The following ANO3 variants were observed in gnomAD, a reference collection of about 807,000 sequenced individuals.
ANO3 encodes the protein anoctamin 3.
A neutral mutation model predicts 144.8 loss-of-function variants in ANO3; 99 were observed. That is an observed-to-expected ratio of 0.68 (90% CI 0.58 to 0.81). The LOEUF (loss-of-function observed/expected upper bound fraction) is 0.81, where lower values mean the gene tolerates loss of function less well. ANO3 is among the 30% of genes least tolerant of loss of function. ANO3 has a pLI of 0.00. For synonymous variants in ANO3, 414 were observed against 392.6 expected, an observed-to-expected ratio of 1.05 and a Z score of -0.64; for missense variants, 905 against 1,202.2, an observed-to-expected ratio of 0.75 and a Z score of 3.66.
At chr11:26,631,017 A>G (rs1238617007) in intron 18 of ANO3, among the ~76,000 whole-genome samples, 1 of 151,726 alleles carries the variant, frequency 6.6e-6, no homozygotes, top group East Asian at 1.9e-4. Context: ...AGTTTTTTGA[A>G]GAGTACCTAC....
intron 23 of ANO3, among the ~76,000 whole-genome samples, chr11:26,644,815 T>TCTCACA (rs372462989): frequency 6.9e-6 from 1 of 145,200 alleles, no homozygotes; most frequent in Non-Finnish European, 1.5e-5. Flanking sequence ...GGAATACTAA[T>TCTCACA]CACACACACA....
chr11:26,497,414 A>G (rs1861006548), intron 4 of ANO3, among the ~76,000 whole-genome samples: 1 of 152,092 alleles, frequency 6.6e-6, no homozygotes, highest in South Asian at 2.1e-4. Context: ...TTCTTTAAGA[A>G]AATTCCATGC....
At chr11:26,443,699 C>A in intron 2 of ANO3, 66 bp from the exon 3 acceptor site, 1 of 858,566 alleles carries the variant, frequency 1.2e-6, no homozygotes, top group Non-Finnish European at 1.8e-6. Context: ...CATCTATAAC[C>A]ATGGTTATTT....
chr11:26,237,089 CTG>C (rs2133807769), intron 1 of ANO3, among the ~76,000 whole-genome samples: 1 of 152,180 alleles, frequency 6.6e-6, no homozygotes, highest in East Asian at 1.9e-4. Context: ...TCCGGCAAAA[CTG>C]TGTGTGAATT....
intron 14 of ANO3, chr11:26,567,092 C>T (rs1850619491): frequency 6.8e-7 from 1 of 1,481,180 alleles, no homozygotes; most frequent in South Asian, 1.4e-5. Context: ...GTATTATGCC[C>T]ATTTTGCAGA....
At position 26,629,937 on chromosome 11, in the gene ANO3, T is replaced by A. The variant is rs1036408249; in HGVS notation, c.1874-4267T>A. On this transcript the variant is annotated intron_variant, in intron 18 of 26. Coordinates refer to ENST00000256737, the MANE Select transcript of ANO3 (RefSeq NM_031418.4). ...TGAGCCACTGCACCAGGCCTAAATC[T>A]GCTATATTTTATTTAGGAATTTCCA... Among the ~76,000 whole-genome samples the A allele has an allele frequency of 5.9e-5, 9 of 152,298 alleles. 1 individual carries two copies. In the South Asian group the frequency reaches 1.9e-3, roughly 32 times the overall value.
chr11:26,577,750 G>T (rs1851027649), intron 14 of ANO3, among the ~76,000 whole-genome samples: 1 of 152,158 alleles, frequency 6.6e-6, no homozygotes, highest in African/African-American at 2.4e-5. Context: ...GTTTAACTAG[G>T]GTTGTATTTA....
chr11:26,634,250 G>A lies in ANO3; in HGVS notation c.1920G>A (p.Lys640=). 7 of 1,613,972 alleles carry A rather than the reference G, an allele frequency of 4.3e-6. No individual in the cohort carries two copies. Among genetic ancestry groups the A allele is most frequent in the Non-Finnish European group, 5.9e-6 (7 of 1,179,938 alleles). Residue 640 remains lysine (K), a synonymous_variant, in exon 19 of 27, where the codon AAG becomes AAA. Coordinates refer to ENST00000256737, the MANE Select transcript of ANO3 (RefSeq NM_031418.4). ...ESEWENSFAL[K]MFLFQFVNLN... ...AGTGGGAAAACAGCTTCGCCCTGAA[G>A]ATGTTCCTCTTCCAGTTTGTCAATT...
At chr11:26,537,311 T>C in intron 9 of ANO3, 95 bp from the exon 10 acceptor site, 1 of 1,031,762 alleles carries the variant, frequency 9.7e-7, no homozygotes, top group Non-Finnish European at 1.5e-6. Flanking sequence ...CTTAAACTTT[T>C]TAATCGATTC....
intron 1 of ANO3, among the ~76,000 whole-genome samples, chr11:26,222,719 G>C (rs1305919437): frequency 2.6e-5 from 4 of 152,204 alleles, no homozygotes; most frequent in Non-Finnish European, 5.9e-5. Context: ...AGCTACCAAG[G>C]CTTATGGCTT....
intron 24 of ANO3, among the ~76,000 whole-genome samples, chr11:26,652,190 A>C (rs1415394636): frequency 6.6e-6 from 1 of 152,202 alleles, no homozygotes; most frequent in Admixed American, 6.5e-5. Flanking sequence ...GTTTCACTTT[A>C]AATTTGTATC....
chr11:26,441,106 GTTTTTTTTTTTTTT>G (rs1022676698), intron 1 of ANO3, among the ~76,000 whole-genome samples: 9 of 86,552 alleles, frequency 1.0e-4, no homozygotes, highest in Admixed American at 4.0e-4. Context: ...TTGCTGCCCA[GTTTTTTTTTTTTTT>G]TTTTTTTTTT....
chr11:26,208,768 G>A (rs1851870404), intron 1 of ANO3, among the ~76,000 whole-genome samples: 1 of 152,102 alleles, frequency 6.6e-6, no homozygotes, highest in South Asian at 2.1e-4. Flanking sequence ...AACCTAGACT[G>A]CTCAAAGAAA....
At chr11:26,503,811 G>C (rs1861295921) in intron 4 of ANO3, among the ~76,000 whole-genome samples, 1 of 152,072 alleles carries the variant, frequency 6.6e-6, no homozygotes, top group South Asian at 2.1e-4. Flanking sequence ...CAGAGTAATG[G>C]ATAATAATTG....
chr11:26,385,008 A>G (rs546670374), intron 1 of ANO3, among the ~76,000 whole-genome samples: 4 of 152,152 alleles, frequency 2.6e-5, no homozygotes, highest in Non-Finnish European at 5.9e-5. Context: ...CCCTTTTCTC[A>G]AGTTATTTTA....
chr11:26,281,232 G>A (rs1042110255), intron 1 of ANO3, among the ~76,000 whole-genome samples: 1 of 152,134 alleles, frequency 6.6e-6, no homozygotes, highest in Non-Finnish European at 1.5e-5. Context: ...ATTGGCTTCA[G>A]AATGTGTAGT....
intron 1 of ANO3, among the ~76,000 whole-genome samples, chr11:26,276,593 A>G (rs1853565074): frequency 6.6e-6 from 1 of 152,176 alleles, no homozygotes; most frequent in African/African-American, 2.4e-5. Flanking sequence ...ATACTTCAGC[A>G]GATTAGCCAT....
At chr11:26,639,408 A>C (rs1853072203) in intron 21 of ANO3, among the ~76,000 whole-genome samples, 167 bp downstream of exon 21, 1 of 152,182 alleles carries the variant, frequency 6.6e-6, no homozygotes, top group Non-Finnish European at 1.5e-5. Context: ...TAAACCTTTC[A>C]GAGCCTGTTT....
At chr11:26,582,071 A>T (rs1033650765) in intron 14 of ANO3, among the ~76,000 whole-genome samples, 7 of 152,190 alleles carry the variant, frequency 4.6e-5, no homozygotes, top group African/African-American at 1.7e-4. Context: ...GAATTTTATC[A>T]TCATTTAGTA....
Sources: allele counts gnomAD v4.1 joint callset (sites outside exome capture counted in the v4.1 genomes callset), GRCh38; gene constraint gnomAD v4.1.1; transcripts MANE v1.5; gene names NCBI Gene and HGNC (gene_info 2026-07-23, HGNC 2026-07-21).